TASOR: variants seen among roughly 807,000 people sequenced by gnomAD.
TASOR encodes protein TASOR.
In TASOR, 53 loss-of-function variants were observed where a neutral mutation model predicts 178.6. That is an observed-to-expected ratio of 0.30 (90% CI 0.24 to 0.37). The LOEUF is 0.37. Ranked by LOEUF, TASOR falls within the 10% of genes least tolerant of loss-of-function variation. TASOR has a pLI of 1.00. For synonymous variants in TASOR, 713 were observed against 696.2 expected (o/e 1.02, Z -0.38); for missense variants, 1,815 against 1,971.4 (o/e 0.92, Z 1.50).
rs1396356902 is a variant in TASOR, at chr3:56,627,685, A to G, written c.3927T>C (p.Asp1309=). The change falls in exon 20 of 24, where the codon GAT becomes GAC. Residue 1309 remains aspartate, a synonymous_variant. Transcript: ENST00000683822. ...TATGATTTTTAACATCATCCAGGCT[A>G]TCAACACCAGCAAAACTAACACAGG... ...KLPCVSFAGV[D]SLDDVKNHTY... The G allele has an allele frequency of 5.6e-6, 9 of 1,614,160 alleles. No individual in the cohort carries two copies. Among genetic ancestry groups the G allele is most frequent in the Middle Eastern group, 1.7e-4 (1 of 6,060 alleles).
chr3:56,638,682 GAAAAGC>G lies in TASOR; in HGVS notation c.2824+18_2824+23del. Reference sequence around the variant, plus strand: ...ACTCTGAAGAAGGGCACACTGGGAAGAAAAGCAAAGCAAGCCTTCTCACCTGGTGTT... The same window carrying G: ...ACTCTGAAGAAGGGCACACTGGGAAGAAAGCAAGCCTTCTCACCTGGTGTT... On this transcript the variant is annotated intron_variant, in intron 17 of 23. Coordinates refer to ENST00000683822, the MANE Select transcript of TASOR (RefSeq NM_001365635.2). The G allele has an allele frequency of 3.1e-6, 5 of 1,613,756 alleles. No homozygotes were observed. Among genetic ancestry groups the G allele is most frequent in the Non-Finnish European group, 4.2e-6 (5 of 1,179,680 alleles).
At chr3:56,673,218 TAAATG>T (rs2030909965) in intron 2 of TASOR, among the ~76,000 whole-genome samples, 2 of 152,150 alleles carry the variant, frequency 1.3e-5, no homozygotes, top group Non-Finnish European at 2.9e-5. Flanking sequence ...ACACAGCAGA[TAAATG>T]TAATGCTACA....
chr3:56,637,985 C>T (rs1412698003), intron 17 of TASOR, among the ~76,000 whole-genome samples: 1 of 152,098 alleles, frequency 6.6e-6, no homozygotes, highest in Non-Finnish European at 1.5e-5. Context: ...ATTAGTTTTA[C>T]AATCAGAAGA....
chr3:56,645,944 C>G (rs888327649), intron 14 of TASOR, among the ~76,000 whole-genome samples: 1 of 152,074 alleles, frequency 6.6e-6, no homozygotes, highest in Non-Finnish European at 1.5e-5. Flanking sequence ...GTCAGGAGAT[C>G]GAGACCATCC....
chr3:56,663,124 A>T (rs1301776081), intron 8 of TASOR, among the ~76,000 whole-genome samples: 5 of 152,126 alleles, frequency 3.3e-5, no homozygotes, highest in Non-Finnish European at 7.4e-5. Context: ...CAGAGGTTGC[A>T]GTGAGCCGAG....
chr3:56,682,662 A>C lies in TASOR; in HGVS notation c.331+14T>G. 1 of 1,452,632 alleles carries C rather than the reference A, an allele frequency of 6.9e-7. No individual in the cohort carries two copies. The allele number at this position is 1,452,632 out of a possible 1,614,324, so 90.0% of individuals were successfully genotyped here. ...GGAGAGAGAGAGGGGGTTGAGAAGAAGGGGAGGCACCACCTTTCTTTTCTC... is the reference window on the plus strand; with the variant it reads ...GGAGAGAGAGAGGGGGTTGAGAAGACGGGGAGGCACCACCTTTCTTTTCTC... On this transcript the variant is annotated intron_variant, in intron 1 of 23. Coordinates refer to ENST00000683822, the MANE Select transcript of TASOR (RefSeq NM_001365635.2).
At chr3:56,665,353 G>T (rs551515743) in intron 7 of TASOR, among the ~76,000 whole-genome samples, 11 of 151,972 alleles carry the variant, frequency 7.2e-5, no homozygotes, top group South Asian at 2.1e-4. Context: ...TCACTTTTTT[G>T]TTGTTGTTGT....
chr3:56,656,827 T>C (rs750372792), intron 11 of TASOR, among the ~76,000 whole-genome samples: 2 of 151,176 alleles, frequency 1.3e-5, no homozygotes, highest in South Asian at 2.1e-4. Context: ...CTGACCAACA[T>C]GGAGGAAGTC....
At chr3:56,638,631 A>G in intron 17 of TASOR, 75 bp downstream of exon 17, 1 of 1,481,340 alleles carries the variant, frequency 6.8e-7, no homozygotes, top group Non-Finnish European at 9.4e-7. Context: ...TGCCCTATTG[A>G]TGGAGTATCA....
chr3:56,639,849 G>C, intron 16 of TASOR, 137 bp downstream of exon 16: 1 of 693,158 alleles, frequency 1.4e-6, no homozygotes, highest in Non-Finnish European at 2.4e-6. Flanking sequence ...CTCAAAATAA[G>C]ACACTGAAGA....
intron 2 of TASOR, among the ~76,000 whole-genome samples, chr3:56,673,351 G>A (rs1355213085): frequency 1.4e-5 from 2 of 142,680 alleles, no homozygotes; most frequent in African/African-American, 5.2e-5. Flanking sequence ...AGAACTGCTT[G>A]AACCAGGGAG....
At chr3:56,647,615 C>T (rs62251188) in intron 13 of TASOR, among the ~76,000 whole-genome samples, 7,473 of 152,242 alleles carry the variant, frequency 0.049, 191 homozygotes, top group East Asian at 0.091. Flanking sequence ...ATCTCTTCCT[C>T]TTATAAAGTA....
chr3:56,678,927 C>A (rs1370311800), intron 1 of TASOR, among the ~76,000 whole-genome samples: 1 of 151,102 alleles, frequency 6.6e-6, no homozygotes, highest in African/African-American at 2.4e-5. Flanking sequence ...AAGGAGAATC[C>A]TTTGAACCTA....
chr3:56,621,750 C>CTA lies in TASOR; in HGVS notation c.*1285_*1286dup. 1 of 425,564 alleles carries CTA rather than the reference C, an allele frequency of 2.3e-6. No homozygotes were observed. Among genetic ancestry groups the CTA allele is most frequent in the Non-Finnish European group, 4.2e-6 (1 of 238,540 alleles). 26.4% of individuals were successfully genotyped at this position (425,564 alleles called of 1,614,324 possible). On this transcript the variant is annotated 3_prime_UTR_variant, in exon 24 of 24. Transcript: ENST00000683822. Reference sequence around the variant, plus strand: ...TAAATGCTCATTAAAAACTTGTATACTATGTAGTAAAATGCTGTACTTGTT... The same window carrying CTA: ...TAAATGCTCATTAAAAACTTGTATACTATATGTAGTAAAATGCTGTACTTGTT...
At chr3:56,632,142 C>T (rs2076928482) in intron 18 of TASOR, among the ~76,000 whole-genome samples, 1 of 152,082 alleles carries the variant, frequency 6.6e-6, no homozygotes, top group African/African-American at 2.4e-5. Flanking sequence ...GGCAACTTAA[C>T]TTTTCCTCTC....
chr3:56,638,708 G>C lies in TASOR; in HGVS notation c.2822C>G (p.Pro941Arg), dbSNP rs2077064611. 6.2e-7 allele frequency: 1 copy of C among 1,613,964 alleles called. No homozygotes were observed. Among genetic ancestry groups the C allele is most frequent in the African/African-American group, 1.3e-5 (1 of 74,908 alleles). ...QLGKHGEKQT[P>R]GMKSPEEQLV... ...AAAAGCAAAGCAAGCCTTCTCACCT[G>C]GTGTTTGTTTCTCACCATGTTTCCC... The change falls in exon 17 of 24, where the codon CCA becomes CGA. Residue 941 changes from proline (P) to arginine (R), a missense_variant and splice_region_variant. Pro to Arg is a moderately radical substitution (Grantham distance 103). Coordinates refer to ENST00000683822, the MANE Select transcript of TASOR (RefSeq NM_001365635.2).
chr3:56,633,757 C>A lies in TASOR; in HGVS notation c.3034G>T (p.Ala1012Ser). Reference protein sequence around the residue: ...CVPAAEAEPPAVSETTERTVL... With the variant: ...CVPAAEAEPPSVSETTERTVL... The stretch of plus-strand genomic sequence containing the variant: ...GTCCTCTCTGTGGTTTCGCTCACTG[C>A]AGGCGGCTCTGCCTCTGCTGCTGGC... The change falls in exon 18 of 24, where the codon GCA (alanine) becomes TCA (serine). Residue 1012 changes from alanine to serine, a missense_variant. By Grantham distance (99) the Ala-to-Ser change is moderately conservative. This residue lies in a region of TASOR where 655 missense variants were observed against 671.1 expected (regional missense o/e 0.98). Coordinates refer to ENST00000683822, the MANE Select transcript of TASOR (RefSeq NM_001365635.2). 1 of 1,614,176 alleles carries A rather than the reference C, an allele frequency of 6.2e-7. No individual in the cohort carries two copies. Among genetic ancestry groups the A allele is most frequent in the Admixed American group, 1.7e-5 (1 of 60,034 alleles).
Position 56,621,368 on chromosome 3 carries a change from T to G in TASOR, c.*1669A>C, listed in dbSNP as rs1234470197. On this transcript the variant is annotated 3_prime_UTR_variant, in exon 24 of 24. Transcript: ENST00000683822. The stretch of plus-strand genomic sequence containing the variant: ...ATCTTACAAATGTGATAGCTATATA[T>G]CCAAATGAGGTGGTCTAGTACAAGC... The G allele has an allele frequency of 6.6e-6, 3 of 453,816 alleles. No homozygotes were observed. The highest frequency in any genetic ancestry group is 1.2e-5 in the Non-Finnish European group (3 of 253,592). 28.1% of individuals were successfully genotyped at this position (453,816 alleles called of 1,614,324 possible).
At chr3:56,645,181 C>T (rs763666440) in intron 14 of TASOR, among the ~76,000 whole-genome samples, 33 of 152,046 alleles carry the variant, frequency 2.2e-4, no homozygotes, top group African/African-American at 4.1e-4. Context: ...GACTCAGGCA[C>T]GAGAATCTTT....
Sources: allele counts gnomAD v4.1 joint callset (sites outside exome capture counted in the v4.1 genomes callset), GRCh38; gene constraint gnomAD v4.1.1; regional missense constraint gnomAD v4.1.1; transcripts MANE v1.5; gene names NCBI Gene and HGNC (gene_info 2026-07-23, HGNC 2026-07-21).